The following PCNT variants were observed in gnomAD, a reference collection of about 807,000 sequenced individuals.
PCNT encodes the protein pericentrin, also known as kendrin.
A neutral mutation model predicts 380.4 loss-of-function variants in PCNT; 319 were observed. The observed-to-expected ratio is 0.84, with a 90% confidence interval of 0.77 to 0.92. The LOEUF (loss-of-function observed/expected upper bound fraction) is 0.92. Among genes scored for constraint, PCNT ranks in the 40% least tolerant of loss-of-function variants. PCNT has a pLI of 0.00. For missense variants in PCNT, 4,400 were observed against 4,255.3 expected (o/e 1.03, Z -0.95); for synonymous variants, 1,845 against 1,735.2 (o/e 1.06, Z -1.57).
At chr21:46,415,933 C>G (rs1168770837) in intron 29 of PCNT, 136 bp from the exon 30 acceptor site, 12 of 769,058 alleles carry the variant, frequency 1.6e-5, no homozygotes, top group Non-Finnish European at 2.6e-5. Flanking sequence ...ATTAAATAAA[C>G]TTGAAATGTG....
chr21:46,332,116 C>T (rs891091897), intron 2 of PCNT, among the ~76,000 whole-genome samples: 5 of 152,164 alleles, frequency 3.3e-5, no homozygotes, highest in African/African-American at 4.8e-5. Context: ...GCCGAGATCG[C>T]GCCATTGCAC....
chr21:46,352,977 C>G (rs898538266), intron 9 of PCNT, 127 bp from the exon 10 acceptor site: 2 of 763,272 alleles, frequency 2.6e-6, no homozygotes, highest in East Asian at 2.6e-5. Flanking sequence ...CCTCATCCCT[C>G]TCCGGTTCTG....
chr21:46,357,572 G>A (rs777271194), intron 13 of PCNT, among the ~76,000 whole-genome samples: 3 of 152,164 alleles, frequency 2.0e-5, no homozygotes, highest in African/African-American at 4.8e-5. Flanking sequence ...GATTACAAAC[G>A]TATGCCACCA....
intron 39 of PCNT, among the ~76,000 whole-genome samples, chr21:46,436,556 G>C (rs1194062062): frequency 6.1e-5 from 9 of 148,240 alleles, no homozygotes; most frequent in Non-Finnish European, 1.0e-4. Flanking sequence ...TTTCATATGG[G>C]CAGAAAGGGT....
In PCNT at chr21:46,367,180, T is replaced by A. The variant is rs137873393; in HGVS notation, c.3165+41T>A. The A allele has an allele frequency of 9.9e-4, 1,528 of 1,545,204 alleles. 14 individuals are homozygous for A. The East Asian group carries it at 0.028, about 29-fold the overall frequency. ...CCTGCCCCAGCCCAGGGCAGGCCTC[T>A]CCTCGCTGCCTGTGTGTTTCCACCG... On this transcript the variant is annotated intron_variant, in intron 15 of 46. Coordinates refer to ENST00000359568, the MANE Select transcript of PCNT (RefSeq NM_006031.6).
chr21:46,360,589 G>A (rs1209863338), intron 13 of PCNT, among the ~76,000 whole-genome samples: 9 of 137,356 alleles, frequency 6.6e-5, no homozygotes, highest in East Asian at 2.2e-4. Context: ...TGCGATATCC[G>A]CCCACTGCAA....
intron 41 of PCNT, among the ~76,000 whole-genome samples, chr21:46,439,468 A>G (rs958074162): frequency 3.3e-5 from 5 of 152,174 alleles, no homozygotes; most frequent in African/African-American, 4.8e-5. Flanking sequence ...CCTGACCTGC[A>G]GTGGTGTCAG....
intron 17 of PCNT, among the ~76,000 whole-genome samples, chr21:46,386,981 C>T (rs1485656840): frequency 1.3e-5 from 2 of 152,010 alleles, no homozygotes; most frequent in African/African-American, 4.8e-5. Flanking sequence ...TGGGTCCAGC[C>T]ACTGCTCCCG....
Position 46,443,954 on chromosome 21 carries a change from T to C in PCNT, c.9839+6T>C, listed in dbSNP as rs757040779. 9.9e-6 allele frequency: 16 copies of C among 1,611,522 alleles called. 1 individual carries two copies. The Admixed American group carries it at 2.7e-4, about 27-fold the overall frequency. On this transcript the variant is annotated splice_donor_region_variant and intron_variant, in intron 45 of 46. Transcript: ENST00000359568. Reference sequence around the variant, plus strand: ...TCCCCACACAGTGGGGGAAGGTCAGTGTGATGCCTTCAGGCCCCGTCTCCT... The same window carrying C: ...TCCCCACACAGTGGGGGAAGGTCAGCGTGATGCCTTCAGGCCCCGTCTCCT...
chr21:46,442,552 C>T lies in PCNT; in HGVS notation c.9679C>T (p.Gln3227Ter). The stretch of plus-strand genomic sequence containing the variant: ...AGTAGATCGGAAAGGAGCTCTGGCA[C>T]AAGGCAAAGCCCCTCGCCCAGGTGG... Reference protein sequence around the residue: ...QEVDRKGALAQGKAPRPGPRA... With the variant: ...QEVDRKGALA The change falls in exon 44 of 47, where the codon CAA becomes TAA. Residue 3227 changes from glutamine (Q) to a stop codon, truncating the protein, a stop_gained. Transcript: ENST00000359568. LOFTEE classifies it high-confidence loss of function. 6.2e-7 allele frequency: 1 copy of T among 1,610,844 alleles called. No individual in the cohort carries two copies. Among genetic ancestry groups the T allele is most frequent in the Non-Finnish European group, 8.5e-7 (1 of 1,177,074 alleles).
chr21:46,353,984 C>T lies in PCNT; in HGVS notation c.1680-3C>T, dbSNP rs2084378223. 6.2e-7 allele frequency: 1 copy of T among 1,612,608 alleles called. No homozygotes were observed. The highest frequency in any genetic ancestry group is 1.1e-5 in the South Asian group (1 of 91,044). On this transcript the variant is annotated splice_region_variant and splice_polypyrimidine_tract_variant and intron_variant, in intron 10 of 46. Transcript: ENST00000359568. ...AAGCTTTTATAAAATGTTTTCCCTT[C>T]AGGTTGTCCTGTGTGGGTTTAGAAG...
chr21:46,376,130 C>T (rs935501733), intron 15 of PCNT, among the ~76,000 whole-genome samples: 13 of 152,018 alleles, frequency 8.6e-5, no homozygotes, highest in Admixed American at 4.6e-4. Flanking sequence ...TCCCGGAGGC[C>T]GCGGGGCTAG....
intron 13 of PCNT, 90 bp downstream of exon 13, chr21:46,357,281 A>G: frequency 1.1e-6 from 1 of 921,646 alleles, no homozygotes; most frequent in Non-Finnish European, 1.8e-6. Context: ...ATGGAGGGGC[A>G]TCCTGGGGAC....
rs199924001 is a variant in PCNT, at chr21:46,385,971, C to G, written c.3452C>G (p.Ser1151Cys). 2 of 1,614,048 alleles carry G rather than the reference C, an allele frequency of 1.2e-6. No homozygotes were observed. Among genetic ancestry groups the G allele is most frequent in the Non-Finnish European group, 1.7e-6 (2 of 1,180,040 alleles). The change falls in exon 17 of 47, where the codon TCC becomes TGC. Residue 1151 changes from serine (S) to cysteine (C), a missense_variant. Physicochemically the swap from Ser to Cys is moderately radical, Grantham distance 112 (BLOSUM62 -1). Coordinates refer to ENST00000359568, the MANE Select transcript of PCNT (RefSeq NM_006031.6). ...ATGCTCAAGGCCGACGTCAACCTGTCCCACAGCGAAAGGTCAGTGTGTCCT... is the reference window on the plus strand; with the variant it reads ...ATGCTCAAGGCCGACGTCAACCTGTGCCACAGCGAAAGGTCAGTGTGTCCT... ...LSMLKADVNL[S>C]HSERGALQDA...
At chr21:46,427,858 G>A (rs1601174110) in intron 34 of PCNT, 63 bp downstream of exon 34, 2 of 1,550,300 alleles carry the variant, frequency 1.3e-6, no homozygotes, top group East Asian at 2.2e-5. Context: ...GGCAGAGAGG[G>A]TGACACAGAC....
At chr21:46,372,016 A>G (rs541161819) in intron 15 of PCNT, among the ~76,000 whole-genome samples, 50 of 151,688 alleles carry the variant, frequency 3.3e-4, no homozygotes, top group Non-Finnish European at 6.8e-4. Flanking sequence ...GCACATGCAC[A>G]CACACAGCAC....
intron 13 of PCNT, among the ~76,000 whole-genome samples, chr21:46,363,183 C>T (rs1262203811): frequency 3.3e-5 from 5 of 152,186 alleles, no homozygotes; most frequent in African/African-American, 7.2e-5. Context: ...TGCCTTTGCT[C>T]GGCTGATGTG....
Position 46,411,485 on chromosome 21 carries a change from G to C in PCNT, c.5412G>C (p.Arg1804=), listed in dbSNP as rs763591088. ...AALEAKEALS[R]LLADQERRHS... ...TGGAAGCCAAGGAGGCCCTGAGCCG[G>C]CTGCTGGCTGACCAGGAGCGCAGGC... The change falls in exon 28 of 47, where the codon CGG becomes CGC. Residue 1804 remains arginine (R), a synonymous_variant. Transcript: ENST00000359568. The C allele has an allele frequency of 1.9e-6, 3 of 1,609,318 alleles. No individual in the cohort carries two copies. The highest frequency in any genetic ancestry group is 2.5e-6 in the Non-Finnish European group (3 of 1,178,566).
chr21:46,345,552 G>A lies in PCNT; in HGVS notation c.640-576G>A, dbSNP rs76877642. ...ACTTTGACTTTACATTGTGATTTAAGCGAGTTTAATATTTTTCCTTCTTCT... is the reference window on the plus strand; with the variant it reads ...ACTTTGACTTTACATTGTGATTTAAACGAGTTTAATATTTTTCCTTCTTCT... On this transcript the variant is annotated intron_variant, in intron 3 of 46. Transcript: ENST00000359568. Among the ~76,000 whole-genome samples, 1,132 of 152,224 alleles carry A rather than the reference G, an allele frequency of 7.4e-3. 5 individuals are homozygous for A. The highest frequency in any genetic ancestry group is 0.013 in the Non-Finnish European group (885 of 68,012).
Sources: gnomAD v4.1 joint callset for allele counts (sites outside exome capture counted in the v4.1 genomes callset) on GRCh38, gnomAD v4.1.1 for gene constraint, MANE v1.5 for transcripts, NCBI Gene and HGNC (gene_info 2026-07-23, HGNC 2026-07-21) for gene names.